ERAP1: variants seen among roughly 807,000 people sequenced by gnomAD.
The protein encoded by ERAP1 is endoplasmic reticulum aminopeptidase 1, also known as adipocyte-derived leucine aminopeptidase.
In ERAP1, 86 loss-of-function variants were observed where a neutral mutation model predicts 103.7. The ratio of observed to expected loss-of-function variants is 0.83; its 90% CI spans 0.70 to 0.99. The LOEUF (loss-of-function observed/expected upper bound fraction) is 0.99, where lower values mean the gene tolerates loss of function less well. ERAP1 is among the 50% of genes least tolerant of loss of function. ERAP1 has a pLI of 0.00. For synonymous variants in ERAP1, 398 were observed against 402.4 expected (o/e 0.99, Z 0.13); for missense variants, 1,009 against 1,128.4 (o/e 0.89, Z 1.52).
upstream of ERAP1, among the ~76,000 whole-genome samples, chr5:96,808,934 C>A (rs545704882): frequency 2.7e-4 from 41 of 152,250 alleles, no homozygotes; most frequent in African/African-American, 9.9e-4. Context: ...AATTAAGAAA[C>A]TAAAGGAATA....
At position 96,775,554 on chromosome 5, in the gene ERAP1, G is replaced by C; in HGVS notation, c.*842C>G. On this transcript the variant is annotated 3_prime_UTR_variant, in exon 19 of 19. Transcript: ENST00000443439. The stretch of plus-strand genomic sequence containing the variant: ...ATGACACTCACTCAGAATTATCTGA[G>C]GAGGGTTCTATAAAAAGATTTTTTG... The C allele has an allele frequency of 1.7e-5, 16 of 964,964 alleles. No individual in the cohort carries two copies. Among genetic ancestry groups the C allele is most frequent in the Non-Finnish European group, 2.0e-5 (16 of 811,250 alleles). 59.8% of individuals were successfully genotyped at this position (964,964 alleles called of 1,614,324 possible).
chr5:96,928,046 C>T, the ERAP1 span, among the ~76,000 whole-genome samples: 2 of 152,136 alleles, frequency 1.3e-5, no homozygotes, highest in Admixed American at 6.5e-5. Flanking sequence ...GCTGGGATTA[C>T]AGACACAGAC....
chr5:96,891,580 C>T, the ERAP1 span, among the ~76,000 whole-genome samples: 4 of 150,674 alleles, frequency 2.7e-5, no homozygotes, highest in African/African-American at 4.9e-5. Flanking sequence ...GGTACACACA[C>T]ACACACACAC....
At chr5:96,838,324 C>G in the ERAP1 span, among the ~76,000 whole-genome samples, 1 of 152,172 alleles carries the variant, frequency 6.6e-6, no homozygotes, top group Non-Finnish European at 1.5e-5. Context: ...TGAGGTGGAA[C>G]AGATTCCTGA....
the ERAP1 span, among the ~76,000 whole-genome samples, chr5:96,821,342 A>G: frequency 3.3e-5 from 5 of 152,260 alleles, no homozygotes; most frequent in African/African-American, 1.2e-4. Context: ...TATAAAATTA[A>G]CCATCTCAAT....
At chr5:96,875,887 G>C in the ERAP1 span, 1 of 152,444 alleles carries the variant, frequency 6.6e-6, no homozygotes, top group East Asian at 1.9e-4. Flanking sequence ...GCAAAGGCCA[G>C]AGGTTTCATC....
At chr5:96,856,394 A>AGAGAGAGAGAGAGC in the ERAP1 span, among the ~76,000 whole-genome samples, 1 of 123,764 alleles carries the variant, frequency 8.1e-6, no homozygotes, top group African/African-American at 2.9e-5. Flanking sequence ...AGAGAGAGAG[A>AGAGAGAGAGAGAGC]GCAAATACTT....
At chr5:96,829,948 C>T in the ERAP1 span, among the ~76,000 whole-genome samples, 4 of 152,176 alleles carry the variant, frequency 2.6e-5, no homozygotes, top group African/African-American at 4.8e-5. Flanking sequence ...ATTGAACCAA[C>T]TTTCCCTCTG....
chr5:96,801,457 C>G (rs548372819), intron 2 of ERAP1, among the ~76,000 whole-genome samples: 1 of 112,986 alleles, frequency 8.9e-6, no homozygotes, highest in African/African-American at 3.3e-5. Flanking sequence ...GACCCTGTCT[C>G]GGGAAGAAAA....
chr5:96,881,472 A>G, the ERAP1 span: 1 of 456,242 alleles, frequency 2.2e-6, no homozygotes, highest in Non-Finnish European at 4.4e-6. Context: ...GCCAGGATCC[A>G]TCTGGGAGGT....
At chr5:96,839,865 C>A in the ERAP1 span, among the ~76,000 whole-genome samples, 58 of 152,350 alleles carry the variant, frequency 3.8e-4, no homozygotes, top group East Asian at 0.01. Context: ...TTCCCCAAAT[C>A]TCCTGACCTC....
Position 96,803,853 on chromosome 5 carries a change from G to A in ERAP1, c.74C>T (p.Thr25Ile). ...CTGACACCATGAAGGAGTGGACACA[G>A]TTAAGAGAGCCAACAGTGAGGAAAG... ...FLLSSLLALLTVSTPSWCQST... is the reference protein window; with the variant it reads ...FLLSSLLALLIVSTPSWCQST... Residue 25 changes from threonine (T) to isoleucine (I), a missense_variant, in exon 2 of 19, where the codon ACT (threonine) becomes ATT (isoleucine). Thr to Ile is a moderately conservative substitution (Grantham distance 89). Around this residue, in one of 3 missense-constraint regions of ERAP1, gnomAD observed 392 missense variants for 455.2 expected, o/e 0.86. Coordinates refer to ENST00000443439, the MANE Select transcript of ERAP1 (RefSeq NM_001040458.3). The A allele has an allele frequency of 1.2e-6, 2 of 1,613,998 alleles. No homozygotes were observed. Among genetic ancestry groups the A allele is most frequent in the Non-Finnish European group, 1.7e-6 (2 of 1,180,034 alleles).
the ERAP1 span, among the ~76,000 whole-genome samples, chr5:96,820,383 A>G: frequency 6.6e-6 from 1 of 152,106 alleles, no homozygotes; most frequent in Non-Finnish European, 1.5e-5. Context: ...CCTAATTTAA[A>G]CCTTCCTTGA....
chr5:96,886,173 C>T, the ERAP1 span, among the ~76,000 whole-genome samples: 44 of 152,318 alleles, frequency 2.9e-4, no homozygotes, highest in Admixed American at 2.4e-3. Context: ...ACAACACCAA[C>T]CTCACACCCA....
At chr5:96,917,204 T>G in the ERAP1 span, among the ~76,000 whole-genome samples, 1 of 151,412 alleles carries the variant, frequency 6.6e-6, no homozygotes, top group African/African-American at 2.4e-5. Context: ...CCTGCTGGGT[T>G]CAAGCAATCC....
chr5:96,790,605 A>G lies in ERAP1; in HGVS notation c.1359T>C (p.Ser453=), dbSNP rs27529. 0.64 allele frequency: 1,035,892 copies of G among 1,609,558 alleles called. 335,304 individuals are homozygous for G. Among genetic ancestry groups the G allele is most frequent in the Non-Finnish European group, 0.66 (777,233 of 1,176,032 alleles). ...CAATACCACTTTTAAATGCGTCAGCACTAAGATACTCCCTTAGCATATTCA... is the reference window on the plus strand; with the variant it reads ...CAATACCACTTTTAAATGCGTCAGCGCTAAGATACTCCCTTAGCATATTCA... ...CILNMLREYL[S]ADAFKSGIVQ... The change falls in exon 9 of 19, where the codon AGT becomes AGC. Residue 453 remains serine (S), a synonymous_variant. Transcript: ENST00000443439.
In ERAP1 at chr5:96,785,902, A is replaced by C. The variant is rs1310188373; in HGVS notation, c.1829T>G (p.Val610Gly). Reference sequence around the variant, plus strand: ...GTCCCATCCATCATCCTCGTAATGCACAATGTAATAGCCATTCATGCCCAC... The same window carrying C: ...GTCCCATCCATCATCCTCGTAATGCCCAATGTAATAGCCATTCATGCCCAC... ...FNVGMNGYYI[V>G]HYEDDGWDSL... The change falls in exon 13 of 19, where the codon GTG (valine) becomes GGG (glycine). Residue 610 changes from valine (V) to glycine (G), a missense_variant. By Grantham distance (109) the Val-to-Gly change is moderately radical. Transcript: ENST00000443439. 1.2e-6 allele frequency: 2 copies of C among 1,614,160 alleles called. No individual in the cohort carries two copies.
At position 96,775,223 on chromosome 5, in the gene ERAP1, C is replaced by G; in HGVS notation, c.*1173G>C. On this transcript the variant is annotated 3_prime_UTR_variant, in exon 19 of 19. Transcript: ENST00000443439. ...TTATCATCTATACATAAAACCTGAG[C>G]AGCAACTGTGTGCTGAAGCAACCGT... 2 of 985,104 alleles carry G rather than the reference C, an allele frequency of 2.0e-6. No individual in the cohort carries two copies. Among genetic ancestry groups the G allele is most frequent in the African/African-American group, 3.5e-5 (2 of 57,156 alleles). 61.0% of individuals were successfully genotyped at this position (985,104 alleles called of 1,614,324 possible).
At chr5:96,890,887 C>G in the ERAP1 span, among the ~76,000 whole-genome samples, 2 of 152,074 alleles carry the variant, frequency 1.3e-5, no homozygotes, top group Admixed American at 6.5e-5. Flanking sequence ...TAACAGCCAT[C>G]AACAATATTA....
Sources: allele counts gnomAD v4.1 joint callset (sites outside exome capture counted in the v4.1 genomes callset), GRCh38; gene constraint gnomAD v4.1.1; regional missense constraint gnomAD v4.1.1; transcripts MANE v1.5; gene names NCBI Gene and HGNC (gene_info 2026-07-23, HGNC 2026-07-21).